Variants in RAB31 observed in about 807,000 individuals in gnomAD.
RAB31 encodes the protein RAB31, member RAS oncogene family.
A neutral mutation model predicts 25.6 loss-of-function variants in RAB31; 21 were observed. That is an observed-to-expected ratio of 0.82 (90% CI 0.58 to 1.18). The LOEUF is 1.18. Among genes scored for constraint, RAB31 ranks in the 50% most tolerant of loss-of-function variants. The pLI, the probability that RAB31 is intolerant of heterozygous loss-of-function variation, is 0.00. For synonymous variants in RAB31, 87 were observed against 84.0 expected (o/e 1.04, Z -0.20); for missense variants, 196 against 250.1 (o/e 0.78, Z 1.46).
intron 5 of RAB31, chr18:9,830,616 A>G (rs2068673226): frequency 1.3e-5 from 2 of 152,174 alleles, no homozygotes; most frequent in South Asian, 4.1e-4. Flanking sequence ...GGTGCATGCC[A>G]CCATGCCAGG....
At chr18:9,763,758 C>T (rs2068300821) in intron 1 of RAB31, among the ~76,000 whole-genome samples, 1 of 151,932 alleles carries the variant, frequency 6.6e-6, no homozygotes, top group African/African-American at 2.4e-5. Flanking sequence ...TAGCTTGGTG[C>T]CTAGAACTTT....
chr18:9,720,268 A>G (rs1223072604), intron 1 of RAB31, among the ~76,000 whole-genome samples: 2 of 152,102 alleles, frequency 1.3e-5, no homozygotes, highest in African/African-American at 4.8e-5. Flanking sequence ...CCAGCCTGAA[A>G]TCTTTAGTTA....
intron 3 of RAB31, among the ~76,000 whole-genome samples, chr18:9,805,204 C>T (rs895292180): frequency 6.6e-6 from 1 of 150,962 alleles, no homozygotes; most frequent in African/African-American, 2.4e-5. Flanking sequence ...TGCAGTGAGC[C>T]GAGATTGCAC....
chr18:9,777,571 T>TTC (rs771978003), intron 2 of RAB31, among the ~76,000 whole-genome samples: 1 of 152,036 alleles, frequency 6.6e-6, no homozygotes, highest in African/African-American at 2.4e-5. Context: ...ATGTACTTTT[T>TTC]TCTCTCTCTC....
In RAB31 at chr18:9,815,216, A is replaced by C; in HGVS notation, c.374A>C (p.Asp125Ala). The C allele has an allele frequency of 6.5e-7, 1 of 1,539,142 alleles. No homozygotes were observed. Among genetic ancestry groups the C allele is most frequent in the Non-Finnish European group, 8.8e-7 (1 of 1,134,228 alleles). The change falls in exon 5 of 7, where the codon GAT becomes GCT. Residue 125 changes from aspartate to alanine, a missense_variant. By Grantham distance (126) the Asp-to-Ala change is moderately radical. Transcript: ENST00000578921. ...AIAGNKCDLS[D>A]IREVPLKDAK... ...GCTGGAAACAAGTGCGACCTCTCAG[A>C]TATTAGGTAAGATGCATTGAAATCT...
intron 5 of RAB31, among the ~76,000 whole-genome samples, chr18:9,816,578 A>G (rs545255790): frequency 6.6e-6 from 1 of 152,332 alleles, no homozygotes; most frequent in South Asian, 2.1e-4. Context: ...ATTTAGTTCT[A>G]AAATCAGAAT....
chr18:9,717,407 C>G (rs891127554), intron 1 of RAB31, among the ~76,000 whole-genome samples: 1 of 152,074 alleles, frequency 6.6e-6, no homozygotes, highest in Admixed American at 6.5e-5. Flanking sequence ...CTAGGAGACT[C>G]GAGTTATCAG....
intron 1 of RAB31, among the ~76,000 whole-genome samples, chr18:9,715,585 A>G (rs181846200): frequency 0.011 from 1,488 of 140,748 alleles, 14 homozygotes; most frequent in Non-Finnish European, 0.013. Flanking sequence ...CCTGGGGTGC[A>G]GTGGCACAAT....
chr18:9,774,237 T>C (rs1039419109), intron 1 of RAB31, among the ~76,000 whole-genome samples: 1 of 152,184 alleles, frequency 6.6e-6, no homozygotes, highest in Non-Finnish European at 1.5e-5. Context: ...TCACTGCTTC[T>C]GTGTGGGCTT....
intron 1 of RAB31, among the ~76,000 whole-genome samples, chr18:9,712,361 C>T (rs549718894): frequency 2.8e-4 from 42 of 152,330 alleles, no homozygotes; most frequent in Middle Eastern, 3.4e-3. Flanking sequence ...TGGCCTGAGC[C>T]GAGTCACCTG....
chr18:9,775,255 G>C, intron 1 of RAB31, 23 bp from the exon 2 acceptor site: 1 of 1,613,612 alleles, frequency 6.2e-7, no homozygotes, highest in Middle Eastern at 1.6e-4. Flanking sequence ...CATCTTCACG[G>C]TTGTATCCTC....
At chr18:9,762,106 C>T (rs901115659) in intron 1 of RAB31, among the ~76,000 whole-genome samples, 4 of 152,282 alleles carry the variant, frequency 2.6e-5, no homozygotes, top group Non-Finnish European at 5.9e-5. Context: ...CCATGCCCGG[C>T]CACCAGTACC....
intron 5 of RAB31, among the ~76,000 whole-genome samples, chr18:9,823,922 C>T (rs1217264214): frequency 6.6e-6 from 1 of 152,168 alleles, no homozygotes; most frequent in African/African-American, 2.4e-5. Flanking sequence ...GTGATAGGGC[C>T]TGGGAACCTA....
At chr18:9,740,003 C>G (rs2068169988) in intron 1 of RAB31, among the ~76,000 whole-genome samples, 1 of 152,232 alleles carries the variant, frequency 6.6e-6, no homozygotes, top group South Asian at 2.1e-4. Flanking sequence ...GAGCTTTGAT[C>G]TGCAAACTTG....
intron 6 of RAB31, among the ~76,000 whole-genome samples, chr18:9,857,684 G>GATAGATAC (rs1568198124): frequency 9.2e-6 from 1 of 108,700 alleles, no homozygotes; most frequent in Non-Finnish European, 2.0e-5. Context: ...TAGATAGATA[G>GATAGATAC]ATGATAGATA....
intron 2 of RAB31, among the ~76,000 whole-genome samples, chr18:9,779,602 A>C (rs55958945): frequency 0.13 from 20,535 of 152,194 alleles, 2,008 homozygotes; most frequent in African/African-American, 0.28. Context: ...GTATAATACA[A>C]GTATGCCCCG....
At chr18:9,810,806 G>A (rs1429827613) in intron 3 of RAB31, among the ~76,000 whole-genome samples, 1 of 152,124 alleles carries the variant, frequency 6.6e-6, no homozygotes, top group Non-Finnish European at 1.5e-5. Flanking sequence ...AATAAAGTTT[G>A]TATTGACTGC....
intron 3 of RAB31, among the ~76,000 whole-genome samples, chr18:9,800,824 T>C (rs1258322685): frequency 6.6e-6 from 1 of 152,228 alleles, no homozygotes; most frequent in Non-Finnish European, 1.5e-5. Flanking sequence ...TGAGATCCGA[T>C]TCACGTACCA....
chr18:9,856,477 AC>A (rs2068816527), intron 6 of RAB31: 3 of 152,194 alleles, frequency 2.0e-5, no homozygotes, highest in Admixed American at 2.0e-4. Flanking sequence ...TAATTTGTGT[AC>A]TTTCCAAAGC....
Sources: allele counts gnomAD v4.1 joint callset (sites outside exome capture counted in the v4.1 genomes callset), GRCh38; gene constraint gnomAD v4.1.1; transcripts MANE v1.5; gene names NCBI Gene and HGNC (gene_info 2026-07-23, HGNC 2026-07-21).